TBC1D32: variants seen among roughly 807,000 people sequenced by gnomAD.
TBC1D32 encodes TBC1 domain family member 32, also known as protein broad-minded.
Under a neutral mutation model 170.3 loss-of-function variants are expected in TBC1D32, and 151 were observed. The ratio of observed to expected loss-of-function variants is 0.89; its 90% CI spans 0.78 to 1.01. TBC1D32 has a LOEUF of 1.01. Ranked by LOEUF, TBC1D32 falls within the 50% of genes least tolerant of loss-of-function variation. TBC1D32 has a pLI of 0.00. For synonymous variants in TBC1D32, 498 were observed against 488.0 expected (o/e 1.02, Z -0.27); for missense variants, 1,464 against 1,457.1 (o/e 1.00, Z -0.08).
At chr6:121,125,752 G>A (rs1394554066) in intron 26 of TBC1D32, among the ~76,000 whole-genome samples, 1 of 152,172 alleles carries the variant, frequency 6.6e-6, no homozygotes, top group Non-Finnish European at 1.5e-5. Context: ...ATAGAAGCTG[G>A]AGAGACATGT....
In TBC1D32 at chr6:121,257,996, G is replaced by A. The variant is rs558030742; in HGVS notation, c.1734-1711C>T. ...ACAGATAACAGCTCACAGTAAAGTA[G>A]TTGCTACCATTCCAGTGATAGTGCT... is the stretch of plus-strand genomic sequence containing the variant. On this transcript the variant is annotated intron_variant, in intron 15 of 31. Coordinates refer to ENST00000398212, the MANE Select transcript of TBC1D32 (RefSeq NM_152730.6). Among the ~76,000 whole-genome samples the A allele has an allele frequency of 1.5e-4, 23 of 152,206 alleles. No homozygotes were observed. In the South Asian group the frequency reaches 1.7e-3, roughly 11 times the overall value.
chr6:121,192,184 T>C (rs1274189188), intron 22 of TBC1D32, among the ~76,000 whole-genome samples: 1 of 151,496 alleles, frequency 6.6e-6, no homozygotes, highest in African/African-American at 2.4e-5. Context: ...TTTCATTGGT[T>C]TTGGGGTTTC....
intron 22 of TBC1D32, among the ~76,000 whole-genome samples, chr6:121,196,831 C>T (rs1267046780): frequency 6.6e-6 from 1 of 152,130 alleles, no homozygotes; most frequent in Non-Finnish European, 1.5e-5. Flanking sequence ...ATATATGATA[C>T]TGTTTTTGCC....
At chr6:121,109,123 TTTG>T (rs1375837601) in intron 29 of TBC1D32, among the ~76,000 whole-genome samples, 1 of 152,188 alleles carries the variant, frequency 6.6e-6, no homozygotes, top group Non-Finnish European at 1.5e-5. Flanking sequence ...ATGGCTTACA[TTTG>T]TTGATGTTCT....
chr6:121,182,118 C>T (rs1788599914), intron 22 of TBC1D32, among the ~76,000 whole-genome samples: 1 of 151,758 alleles, frequency 6.6e-6, no homozygotes, highest in South Asian at 2.1e-4. Flanking sequence ...ATAAGTAAAC[C>T]AAAGAAGTAA....
Position 121,113,055 on chromosome 6 carries a change from A to G in TBC1D32, c.3169+7T>C. Reference sequence around the variant, plus strand: ...TAAGCTATTGTGAATATACTCAAAAAGGATATGAAGAGAAGATTTTATGGA... The same window carrying G: ...TAAGCTATTGTGAATATACTCAAAAGGGATATGAAGAGAAGATTTTATGGA... On this transcript the variant is annotated splice_region_variant and intron_variant, in intron 28 of 31. Coordinates refer to ENST00000398212, the MANE Select transcript of TBC1D32 (RefSeq NM_152730.6). 6.3e-7 allele frequency: 1 copy of G among 1,587,228 alleles called. No homozygotes were observed. Among genetic ancestry groups the G allele is most frequent in the Non-Finnish European group, 8.6e-7 (1 of 1,166,416 alleles).
At chr6:121,332,223 T>C (rs1232969928) in intron 1 of TBC1D32, among the ~76,000 whole-genome samples, 2 of 152,160 alleles carry the variant, frequency 1.3e-5, no homozygotes, top group Non-Finnish European at 2.9e-5. Context: ...CTTTAAATGC[T>C]TCTATTAAAA....
chr6:121,252,173 C>T (rs1054849015), intron 17 of TBC1D32, among the ~76,000 whole-genome samples: 1 of 152,120 alleles, frequency 6.6e-6, no homozygotes, highest in African/African-American at 2.4e-5. Flanking sequence ...GACGATTCCT[C>T]AAGAATCTAG....
At chr6:121,142,968 ATTC>A (rs1782986684) in intron 24 of TBC1D32, among the ~76,000 whole-genome samples, 1 of 152,166 alleles carries the variant, frequency 6.6e-6, no homozygotes, top group African/African-American at 2.4e-5. Flanking sequence ...TAGTATGACT[ATTC>A]TTTTCCACCC....
intron 17 of TBC1D32, among the ~76,000 whole-genome samples, chr6:121,251,474 A>C (rs1041228312): frequency 2.6e-5 from 4 of 152,200 alleles, no homozygotes; most frequent in Non-Finnish European, 5.9e-5. Flanking sequence ...CCTACTTAAT[A>C]AATGGTGCTG....
intron 15 of TBC1D32, among the ~76,000 whole-genome samples, chr6:121,257,128 A>C (rs940283989): frequency 6.6e-6 from 1 of 152,182 alleles, no homozygotes; most frequent in Non-Finnish European, 1.5e-5. Context: ...GTTTATTTGG[A>C]TAACTACTTT....
intron 24 of TBC1D32, among the ~76,000 whole-genome samples, chr6:121,153,632 C>T (rs1020561185): frequency 1.3e-5 from 2 of 152,102 alleles, no homozygotes; most frequent in Admixed American, 6.6e-5. Context: ...CATGGAGATG[C>T]GAGTTTTATC....
chr6:121,114,926 A>G (rs1445479452), intron 27 of TBC1D32, among the ~76,000 whole-genome samples: 2 of 152,174 alleles, frequency 1.3e-5, no homozygotes, highest in Non-Finnish European at 2.9e-5. Context: ...AAAACCTGAT[A>G]GTCATGAGGG....
chr6:121,279,963 T>C (rs1340955293), intron 14 of TBC1D32, among the ~76,000 whole-genome samples: 1 of 151,916 alleles, frequency 6.6e-6, no homozygotes, highest in Admixed American at 6.6e-5. Flanking sequence ...ACACATATTA[T>C]CTATAATACA....
chr6:121,248,675 C>T (rs1005644707), intron 17 of TBC1D32, among the ~76,000 whole-genome samples: 1 of 151,560 alleles, frequency 6.6e-6, no homozygotes, highest in Non-Finnish European at 1.5e-5. Flanking sequence ...ACTATGAACA[C>T]CTTTATGTGC....
In TBC1D32 at chr6:121,242,247, T is replaced by C; in HGVS notation, c.2111A>G (p.Asn704Ser). The C allele has an allele frequency of 1.2e-6, 2 of 1,612,632 alleles. No individual in the cohort carries two copies. Among genetic ancestry groups the C allele is most frequent in the East Asian group, 4.5e-5 (2 of 44,716 alleles). ...ATTGAATATAAATGTCACACATTCA[T>C]TGATAGCACCTGTTCTTTGAAGAAG... Reference protein sequence around the residue: ...LLLLQRTGAINECVTFIFNRY... With the variant: ...LLLLQRTGAISECVTFIFNRY... The change falls in exon 18 of 32, where the codon AAT (asparagine) becomes AGT (serine). Residue 704 changes from asparagine to serine, a missense_variant. This residue lies in a region of TBC1D32 where 1,363 missense variants were observed against 1,338.1 expected (regional missense o/e 1.02). Transcript: ENST00000398212.
chr6:121,222,968 T>C (rs909503019), intron 21 of TBC1D32, among the ~76,000 whole-genome samples: 1 of 152,198 alleles, frequency 6.6e-6, no homozygotes, highest in Admixed American at 6.5e-5. Flanking sequence ...ATCACTCACA[T>C]GTATACTTCT....
intron 30 of TBC1D32, among the ~76,000 whole-genome samples, chr6:121,098,229 A>G (rs1777640604): frequency 6.6e-6 from 1 of 151,542 alleles, no homozygotes; most frequent in African/African-American, 2.4e-5. Context: ...TAAAACATTA[A>G]GTCAAAAAAG....
At chr6:121,301,993 A>T (rs1400959100) in intron 9 of TBC1D32, among the ~76,000 whole-genome samples, 1 of 151,980 alleles carries the variant, frequency 6.6e-6, no homozygotes, top group Non-Finnish European at 1.5e-5. Flanking sequence ...GGTTAATCAA[A>T]ACCTTGGGTT....
Sources: allele counts gnomAD v4.1 joint callset (sites outside exome capture counted in the v4.1 genomes callset), GRCh38; gene constraint gnomAD v4.1.1; regional missense constraint gnomAD v4.1.1; transcripts MANE v1.5; gene names NCBI Gene and HGNC (gene_info 2026-07-23, HGNC 2026-07-21).